Variants in SLC1A2 observed in about 807,000 individuals in gnomAD.
The protein encoded by SLC1A2 is excitatory amino acid transporter 2.
SLC1A2 carries 15 observed loss-of-function variants against 48.8 expected under a neutral mutation model. That is an observed-to-expected ratio of 0.31 (90% CI 0.21 to 0.47). The LOEUF (loss-of-function observed/expected upper bound fraction) is 0.47. SLC1A2 is among the 20% of genes least tolerant of loss of function. The pLI is 0.99. For synonymous variants in SLC1A2, 279 were observed against 272.6 expected, an observed-to-expected ratio of 1.02 and a Z score of -0.23; for missense variants, 502 against 730.5, an observed-to-expected ratio of 0.69 and a Z score of 3.61.
At chr11:35,388,163 T>C (rs1050836855) in intron 1 of SLC1A2, among the ~76,000 whole-genome samples, 1 of 152,058 alleles carries the variant, frequency 6.6e-6, no homozygotes, top group Non-Finnish European at 1.5e-5. Flanking sequence ...ATTAGGGGAG[T>C]AGGGTTTACC....
chr11:35,336,316 A>C (rs925347671), intron 1 of SLC1A2, among the ~76,000 whole-genome samples: 2 of 152,194 alleles, frequency 1.3e-5, no homozygotes, highest in African/African-American at 4.8e-5. Flanking sequence ...TGTACCCCAC[A>C]ACTAAAATTA....
intron 1 of SLC1A2, chr11:35,380,593 T>C: frequency 2.5e-6 from 1 of 394,290 alleles, no homozygotes; most frequent in Non-Finnish European, 4.5e-6. Flanking sequence ...TCTTTCCCTT[T>C]CTTCCAATCA....
chr11:35,274,592 T>C (rs1202852538), intron 9 of SLC1A2, among the ~76,000 whole-genome samples: 1 of 152,150 alleles, frequency 6.6e-6, no homozygotes, highest in Non-Finnish European at 1.5e-5. Flanking sequence ...TGTGCATGTG[T>C]GTGTCTCAAA....
At chr11:35,319,167 G>A (rs962410307) in intron 1 of SLC1A2, among the ~76,000 whole-genome samples, 12 of 152,158 alleles carry the variant, frequency 7.9e-5, no homozygotes, top group Non-Finnish European at 1.5e-4. Flanking sequence ...ACAGCAGTTG[G>A]GTGAGGGCCT....
At chr11:35,398,017 G>A (rs1170363913) in intron 1 of SLC1A2, among the ~76,000 whole-genome samples, 1 of 152,182 alleles carries the variant, frequency 6.6e-6, no homozygotes, top group Non-Finnish European at 1.5e-5. Context: ...TGCTGGTCCA[G>A]CAGCCAGCAG....
intron 1 of SLC1A2, chr11:35,404,432 A>T (rs1225430957): frequency 6.6e-6 from 1 of 152,324 alleles, no homozygotes; most frequent in African/African-American, 2.4e-5. Flanking sequence ...GGTGAATGGC[A>T]ACTGCTGTCA....
intron 1 of SLC1A2, among the ~76,000 whole-genome samples, chr11:35,379,637 A>G (rs1390608180): frequency 6.6e-6 from 1 of 152,252 alleles, no homozygotes; most frequent in Non-Finnish European, 1.5e-5. Context: ...AGTGAAAAGC[A>G]TATGTCCGGG....
chr11:35,360,468 C>G (rs1277805190), intron 1 of SLC1A2, among the ~76,000 whole-genome samples: 2 of 152,166 alleles, frequency 1.3e-5, no homozygotes, highest in Admixed American at 1.3e-4. Flanking sequence ...TTCTCTAACA[C>G]CACCCTTCCA....
At position 35,317,466 on chromosome 11, in the gene SLC1A2, A is replaced by G. The variant is rs767752547; in HGVS notation, c.68T>C (p.Leu23Pro). 1.9e-6 allele frequency: 3 copies of G among 1,614,198 alleles called. No homozygotes were observed. The South Asian group carries it at 3.3e-5, about 18-fold the overall frequency. The stretch of plus-strand genomic sequence containing the variant: ...CCGGTGCTTGGGTTCCTCTGAGCCA[A>G]GATGACTGTCGTGCATTCGCACTTC... ...QVEVRMHDSH[L>P]GSEEPKHRHL... Residue 23 changes from leucine to proline, a missense_variant, in exon 2 of 11, where the codon CTT (leucine) becomes CCT (proline). Leu to Pro is a moderately conservative substitution (Grantham distance 98, BLOSUM62 -3). Transcript: ENST00000278379.
chr11:35,301,293 T>C (rs1851348073), intron 6 of SLC1A2, among the ~76,000 whole-genome samples: 1 of 152,194 alleles, frequency 6.6e-6, no homozygotes, highest in African/African-American at 2.4e-5. Context: ...TCGCTGGCCA[T>C]ATAAAAGAGA....
chr11:35,338,939 C>T (rs1852737197), intron 1 of SLC1A2, among the ~76,000 whole-genome samples: 1 of 152,218 alleles, frequency 6.6e-6, no homozygotes, highest in Admixed American at 6.5e-5. Context: ...GGGTCAGCAT[C>T]TAGAGCTCTC....
intron 1 of SLC1A2, among the ~76,000 whole-genome samples, chr11:35,333,984 T>C (rs1393148493): frequency 6.6e-6 from 1 of 152,178 alleles, no homozygotes; most frequent in African/African-American, 2.4e-5. Context: ...TTTAAGTTTT[T>C]CTTAAGTAAA....
At chr11:35,328,804 C>G (rs1002677613) in intron 1 of SLC1A2, among the ~76,000 whole-genome samples, 7 of 152,150 alleles carry the variant, frequency 4.6e-5, no homozygotes, top group African/African-American at 1.7e-4. Context: ...TCATGGAACC[C>G]TAGAATTTCT....
chr11:35,278,361 C>T (rs1326971794), intron 9 of SLC1A2, among the ~76,000 whole-genome samples: 12 of 150,912 alleles, frequency 8.0e-5, no homozygotes, highest in East Asian at 5.9e-4. Context: ...CTGCAACCTC[C>T]GCCTCCCAGG....
At chr11:35,405,295 G>A (rs1354667072) in intron 1 of SLC1A2, among the ~76,000 whole-genome samples, 2 of 152,070 alleles carry the variant, frequency 1.3e-5, no homozygotes, top group African/African-American at 4.8e-5. Context: ...CCAGAGTAAG[G>A]GAACTCTATT....
intron 2 of SLC1A2, 94 bp downstream of exon 2, chr11:35,317,283 G>A: frequency 7.1e-7 from 1 of 1,407,782 alleles, no homozygotes; most frequent in Non-Finnish European, 9.7e-7. Context: ...CTTCCTTTCT[G>A]GTGGAAGGGC....
In SLC1A2 at chr11:35,259,811, T is replaced by C. The variant is rs1453724738; in HGVS notation, c.*1083A>G. On this transcript the variant is annotated 3_prime_UTR_variant, in exon 11 of 11. Transcript: ENST00000278379. ...AGATAACAAAACGCTTTCAACATAT[T>C]GGATAAATACCAGTATTTTTGTTTC... 2.6e-5 allele frequency: 4 copies of C among 152,230 alleles called. No individual in the cohort carries two copies. 9.4% of individuals were successfully genotyped at this position (152,230 alleles called of 1,614,324 possible).
At position 35,254,538 on chromosome 11, in the gene SLC1A2, A is replaced by T. The variant is rs1244006187; in HGVS notation, c.*6356T>A. 1 of 298,602 alleles carries T rather than the reference A, an allele frequency of 3.3e-6. No homozygotes were observed. Among genetic ancestry groups the T allele is most frequent in the African/African-American group, 2.2e-5 (1 of 44,940 alleles). 18.5% of individuals were successfully genotyped at this position (298,602 alleles called of 1,614,324 possible). ...TGTGTATTTGCCCCCTAGCAAAGGC[A>T]ACAGGCTGTTTCCAGGCAGGCAAAA... On this transcript the variant is annotated 3_prime_UTR_variant, in exon 11 of 11. Transcript: ENST00000278379.
At chr11:35,378,786 T>C (rs1854324231) in intron 1 of SLC1A2, among the ~76,000 whole-genome samples, 1 of 152,188 alleles carries the variant, frequency 6.6e-6, no homozygotes, top group South Asian at 2.1e-4. Flanking sequence ...TGAATAGTTG[T>C]CTATAAGGAT....
Sources: gnomAD v4.1 joint callset for allele counts (sites outside exome capture counted in the v4.1 genomes callset) on GRCh38, gnomAD v4.1.1 for gene constraint, MANE v1.5 for transcripts, NCBI Gene and HGNC (gene_info 2026-07-23, HGNC 2026-07-21) for gene names.